The following TENM4 variants were observed in gnomAD, a reference collection of about 807,000 sequenced individuals.
The protein encoded by TENM4 is teneurin transmembrane protein 4, also known as teneurin-4.
In TENM4, 82 loss-of-function variants were observed where a neutral mutation model predicts 243.3. The ratio of observed to expected loss-of-function variants is 0.34; its 90% CI spans 0.28 to 0.40. The LOEUF is 0.40. TENM4 is among the 10% of genes least tolerant of loss of function. The pLI is 1.00. For missense variants in TENM4, 3,138 were observed against 3,673.3 expected, an observed-to-expected ratio of 0.85 and a Z score of 3.77; for synonymous variants, 1,412 against 1,456.3, an observed-to-expected ratio of 0.97 and a Z score of 0.69.
chr11:79,123,656 T>C (rs1341525419), intron 4 of TENM4, among the ~76,000 whole-genome samples: 1 of 151,848 alleles, frequency 6.6e-6, no homozygotes, highest in Non-Finnish European at 1.5e-5. Context: ...ACAGAGACTG[T>C]GCTAGGCTTG....
intron 1 of TENM4, among the ~76,000 whole-genome samples, chr11:79,353,908 T>C (rs1400513431): frequency 1.3e-5 from 2 of 152,232 alleles, no homozygotes; most frequent in Non-Finnish European, 2.9e-5. Flanking sequence ...CTTTCCACTA[T>C]AAGACAGAGC....
At chr11:79,325,582 T>C (rs1001322340) in intron 1 of TENM4, among the ~76,000 whole-genome samples, 11 of 152,266 alleles carry the variant, frequency 7.2e-5, no homozygotes, top group Middle Eastern at 6.8e-3. Context: ...TGCCTCTCTG[T>C]CGAGATTAAC....
At chr11:78,943,674 G>A (rs944800751) in intron 6 of TENM4, among the ~76,000 whole-genome samples, 1 of 152,022 alleles carries the variant, frequency 6.6e-6, no homozygotes, top group Non-Finnish European at 1.5e-5. Context: ...TGATACTGTA[G>A]ACAACCTGTT....
chr11:78,666,678 A>G (rs1014382101), intron 32 of TENM4, among the ~76,000 whole-genome samples: 1 of 152,224 alleles, frequency 6.6e-6, no homozygotes, highest in African/African-American at 2.4e-5. Flanking sequence ...AGAGCCCTGG[A>G]TTAGAGTCCT....
intron 5 of TENM4, among the ~76,000 whole-genome samples, chr11:79,069,180 T>G (rs1239138129): frequency 6.6e-6 from 1 of 152,170 alleles, no homozygotes; most frequent in Non-Finnish European, 1.5e-5. Context: ...TACAAATTAC[T>G]AAGTTTTCAT....
At chr11:79,155,753 T>TCCTC (rs1862600816) in intron 3 of TENM4, among the ~76,000 whole-genome samples, 1 of 146,892 alleles carries the variant, frequency 6.8e-6, no homozygotes, top group African/African-American at 2.5e-5. Context: ...TTCCTTCTCT[T>TCCTC]CCTCCCTGCC....
At chr11:79,194,212 T>C (rs1014193090) in intron 3 of TENM4, among the ~76,000 whole-genome samples, 1 of 152,030 alleles carries the variant, frequency 6.6e-6, no homozygotes, top group Non-Finnish European at 1.5e-5. Flanking sequence ...CATGTGGAAC[T>C]GTAAGTCCAA....
intron 6 of TENM4, among the ~76,000 whole-genome samples, chr11:78,950,234 A>G (rs1004603528): frequency 2.8e-4 from 42 of 152,184 alleles, no homozygotes. Flanking sequence ...TGTCATCCAC[A>G]CAGGGCCCAA....
intron 6 of TENM4, among the ~76,000 whole-genome samples, chr11:78,962,421 G>A (rs1411342244): frequency 6.6e-6 from 1 of 151,032 alleles, no homozygotes; most frequent in Non-Finnish European, 1.5e-5. Flanking sequence ...ACACGGGGAG[G>A]GGGAGGGAGC....
At chr11:78,913,980 G>T (rs1856257467) in intron 6 of TENM4, among the ~76,000 whole-genome samples, 1 of 152,188 alleles carries the variant, frequency 6.6e-6, no homozygotes, top group Admixed American at 6.5e-5. Context: ...TAAAGAAGGA[G>T]TATGTGTTTA....
At chr11:79,367,760 A>G (rs930958210) in intron 1 of TENM4, among the ~76,000 whole-genome samples, 10 of 152,224 alleles carry the variant, frequency 6.6e-5, no homozygotes, top group Admixed American at 3.3e-4. Context: ...GAAGAGAGAC[A>G]TAACAAATGT....
intron 1 of TENM4, among the ~76,000 whole-genome samples, chr11:79,345,864 G>A (rs922042057): frequency 1.3e-5 from 2 of 152,168 alleles, no homozygotes; most frequent in Non-Finnish European, 2.9e-5. Flanking sequence ...CAAGTGAACA[G>A]TTTTTGAGCT....
At chr11:78,918,293 C>T (rs933709166) in intron 6 of TENM4, among the ~76,000 whole-genome samples, 8 of 152,166 alleles carry the variant, frequency 5.3e-5, no homozygotes, top group African/African-American at 1.9e-4. Context: ...GAGCAGTCCC[C>T]TCACAAACCC....
At chr11:79,245,837 G>A (rs1289224222) in intron 2 of TENM4, among the ~76,000 whole-genome samples, 1 of 151,164 alleles carries the variant, frequency 6.6e-6, no homozygotes. Flanking sequence ...CTACTCGGGA[G>A]GTTGAGACAG....
intron 28 of TENM4, among the ~76,000 whole-genome samples, chr11:78,693,231 T>A (rs911834107): frequency 1.3e-5 from 2 of 152,254 alleles, no homozygotes; most frequent in East Asian, 3.8e-4. Flanking sequence ...AATATTCATG[T>A]GGTACCTTTT....
Position 79,440,638 on chromosome 11 carries a change from A to G in TENM4, c.-450T>C, listed in dbSNP as rs1170464707. ...CTCCGCGAGCCGTAGCGGGGCGCCC[A>G]GGAAGGAGCAGGTCCGGGCTCTGCG... On this transcript the variant is annotated 5_prime_UTR_variant, in exon 1 of 34. Coordinates refer to ENST00000278550, the MANE Select transcript of TENM4 (RefSeq NM_001098816.3). This position sits in a 1 kb window ranked among gnomAD's most constrained non-coding sequence, Gnocchi z 4.7. The G allele has an allele frequency of 1.3e-5, 2 of 151,862 alleles. No homozygotes were observed. Among genetic ancestry groups the G allele is most frequent in the East Asian group, 3.9e-4 (2 of 5,070 alleles). The allele number at this position is 151,862 out of a possible 1,614,324, so 9.4% of individuals were successfully genotyped here.
rs569507412 is a variant in TENM4 at position 79,191,737 on chromosome 11, C to A, written c.-163+24071G>T. The A allele has an allele frequency of 2.0e-4, 37 of 187,426 alleles. 1 individual carries two copies. Among genetic ancestry groups the A allele is most frequent in the African/African-American group, 7.4e-4 (30 of 40,574 alleles). The allele number at this position is 187,426 out of a possible 1,614,324, so 11.6% of individuals were successfully genotyped here. On this transcript the variant is annotated intron_variant, in intron 3 of 33. Coordinates refer to ENST00000278550, the MANE Select transcript of TENM4 (RefSeq NM_001098816.3). ...AGATGTGGGGAGCGCCTCTGCCCCG[C>A]CGCCCCATCTGGGATGTGAGGAGCG...
chr11:78,911,440 T>C (rs1365050696), intron 6 of TENM4, among the ~76,000 whole-genome samples: 1 of 152,234 alleles, frequency 6.6e-6, no homozygotes, highest in Non-Finnish European at 1.5e-5. Context: ...GCCCACTGGC[T>C]TCTGGATAGG....
At chr11:79,347,124 G>T (rs1307500220) in intron 1 of TENM4, among the ~76,000 whole-genome samples, 1 of 152,174 alleles carries the variant, frequency 6.6e-6, no homozygotes, top group Non-Finnish European at 1.5e-5. Context: ...ATTAAGGGTT[G>T]GGGAAGAGCA....
Sources: gnomAD v4.1 joint callset for allele counts (sites outside exome capture counted in the v4.1 genomes callset) on GRCh38, gnomAD v4.1.1 for gene constraint, Gnocchi (gnomAD v3.1) non-coding constraint, MANE v1.5 for transcripts, NCBI Gene and HGNC (gene_info 2026-07-23, HGNC 2026-07-21) for gene names.